The following HSPG2 variants were observed in gnomAD, a reference collection of about 807,000 sequenced individuals.
HSPG2 encodes the protein basement membrane-specific heparan sulfate proteoglycan core protein.
HSPG2 carries 278 observed loss-of-function variants against 526.6 expected under a neutral mutation model. That is an observed-to-expected ratio of 0.53 (90% CI 0.48 to 0.58). The LOEUF (loss-of-function observed/expected upper bound fraction) is 0.58. Ranked by LOEUF, HSPG2 falls within the 20% of genes least tolerant of loss-of-function variation. The probability of loss-of-function intolerance (pLI) is 0.00; values close to 1 mark genes in which losing one functional copy is unlikely to be tolerated. For missense variants in HSPG2, 5,354 were observed against 6,099.5 expected (o/e 0.88, Z 4.07); for synonymous variants, 2,465 against 2,555.4 (o/e 0.96, Z 1.07).
rs1344586585 is a variant in HSPG2 at position 21,898,355 on chromosome 1, CCTGTTCCTTCTCCTCT to C, written c.64-2061_64-2046del. On this transcript the variant is annotated intron_variant, in intron 1 of 96. Transcript: ENST00000374695. The surrounding 1 kb of genome is among the most constrained non-coding windows in gnomAD (Gnocchi z 4.0). ...AACAATCCAGCGGCAAATGTTGCCT[CCTGTTCCTTCTCCTCT>C]CCCTGCCCTCTCCCTGTCCTCCTGA... is the stretch of plus-strand genomic sequence containing the variant. Among the ~76,000 whole-genome samples, 1 of 152,216 alleles carries C rather than the reference CCTGTTCCTTCTCCTCT, an allele frequency of 6.6e-6. No individual in the cohort carries two copies. The highest frequency in any genetic ancestry group is 1.5e-5 in the Non-Finnish European group (1 of 68,038).
chr1:21,872,303 T>A lies in HSPG2; in HGVS notation c.4104A>T (p.Thr1368=). 6.4e-7 allele frequency: 1 copy of A among 1,571,540 alleles called. No individual in the cohort carries two copies. Among genetic ancestry groups the A allele is most frequent in the Non-Finnish European group, 8.6e-7 (1 of 1,158,136 alleles). The change falls in exon 33 of 97, where the codon ACA becomes ACT. Residue 1368 remains threonine, a synonymous_variant. Coordinates refer to ENST00000374695, the MANE Select transcript of HSPG2 (RefSeq NM_005529.7). The surrounding 1 kb of genome is among the most constrained non-coding windows in gnomAD (Gnocchi z 5.5). The part of the protein sequence containing the change: ...LVNPQRNSRL[T]GEFTVEPVPE... ...GCACGGGTTCCACAGTGAATTCTCCTGTCAGGCGGCTGTTTCGCTGTGGGT... is the reference window on the plus strand; with the variant it reads ...GCACGGGTTCCACAGTGAATTCTCCAGTCAGGCGGCTGTTTCGCTGTGGGT...
intron 1 of HSPG2, among the ~76,000 whole-genome samples, chr1:21,900,158 G>A (rs1643014335): frequency 6.6e-6 from 1 of 152,232 alleles, no homozygotes; most frequent in Admixed American, 6.5e-5. Flanking sequence ...AGCCAGACGG[G>A]CAGCTGGAGA....
intron 33 of HSPG2, chr1:21,870,830 C>CT: frequency 1.0e-6 from 1 of 986,296 alleles, no homozygotes. Context: ...CGTCCTGGGC[C>CT]TACCTGGTGA....
chr1:21,832,709 A>G (rs2152694179), intron 80 of HSPG2, 103 bp from the exon 81 acceptor site: 1 of 813,026 alleles, frequency 1.2e-6, no homozygotes, highest in East Asian at 2.6e-5. Flanking sequence ...CCACTCTCGG[A>G]ACCTGTCCCT....
At position 21,851,933 on chromosome 1, in the gene HSPG2, A is replaced by G. The variant is rs369549652; in HGVS notation, c.6871-7T>C. ...ACAGGCGGGAGCCACGAACCTGGGCAGCCGTGGGCAGAGGTGTGAGGGGGG... is the reference window on the plus strand; with the variant it reads ...ACAGGCGGGAGCCACGAACCTGGGCGGCCGTGGGCAGAGGTGTGAGGGGGG... On this transcript the variant is annotated splice_polypyrimidine_tract_variant and splice_region_variant and intron_variant, in intron 53 of 96. Coordinates refer to ENST00000374695, the MANE Select transcript of HSPG2 (RefSeq NM_005529.7). 6.9e-6 allele frequency: 11 copies of G among 1,601,888 alleles called. No individual in the cohort carries two copies. The African/African-American group carries it at 9.4e-5, about 14-fold the overall frequency.
In HSPG2 at chr1:21,842,127, ACCGGGCT is replaced by A; in HGVS notation, c.9061_9067del (p.Pro3022SerfsTer81). On this transcript the variant is annotated frameshift_variant, in exon 69 of 97. Transcript: ENST00000374695. LOFTEE classifies it high-confidence loss of function. ...GCTGCTGGGCGGGTCGATGGAGATG[ACCGGGCT>A]CCTAAGGCCTGGGGCCAAAGGGGCA... 6.2e-7 allele frequency: 1 copy of A among 1,613,670 alleles called. No individual in the cohort carries two copies. Among genetic ancestry groups the A allele is most frequent in the Non-Finnish European group, 8.5e-7 (1 of 1,179,992 alleles).
At chr1:21,838,648 T>C (rs1159984854) in intron 74 of HSPG2, among the ~76,000 whole-genome samples, 177 bp downstream of exon 74, 1 of 152,072 alleles carries the variant, frequency 6.6e-6, no homozygotes, top group Non-Finnish European at 1.5e-5. Context: ...TGAGCACACA[T>C]GATGGAGGGC....
intron 1 of HSPG2, among the ~76,000 whole-genome samples, chr1:21,906,535 G>A (rs951319502): frequency 6.6e-6 from 1 of 152,196 alleles, no homozygotes; most frequent in African/African-American, 2.4e-5. Context: ...GGAGAGCAGA[G>A]CTGGAAATCA....
intron 33 of HSPG2, chr1:21,869,514 G>A: frequency 1.0e-6 from 1 of 987,914 alleles, no homozygotes; most frequent in Non-Finnish European, 1.2e-6. Flanking sequence ...AGGAGGAGGA[G>A]GAGGAAGAAG....
At chr1:21,906,897 G>GT (rs1643408549) in intron 1 of HSPG2, among the ~76,000 whole-genome samples, 1 of 152,148 alleles carries the variant, frequency 6.6e-6, no homozygotes, top group Non-Finnish European at 1.5e-5. Context: ...GATTTTAGAC[G>GT]TAAGATATGC....
chr1:21,845,175 G>A (rs1423303052), intron 64 of HSPG2, among the ~76,000 whole-genome samples: 7 of 152,154 alleles, frequency 4.6e-5, no homozygotes, highest in Non-Finnish European at 8.8e-5. Flanking sequence ...GAACCCCAGA[G>A]GTGGAGATTG....
intron 33 of HSPG2, among the ~76,000 whole-genome samples, chr1:21,869,202 G>A (rs761135995): frequency 2.0e-5 from 3 of 152,196 alleles, no homozygotes; most frequent in Non-Finnish European, 2.9e-5. Flanking sequence ...GGCCTGGGTC[G>A]GCTTCTCCTC....
chr1:21,890,167 G>A lies in HSPG2; in HGVS notation c.414-26C>T, dbSNP rs1241005997. 14 of 1,613,346 alleles carry A rather than the reference G, an allele frequency of 8.7e-6. No homozygotes were observed. Among genetic ancestry groups the A allele is most frequent in the African/African-American group, 1.3e-5 (1 of 74,872 alleles). On this transcript the variant is annotated intron_variant, in intron 5 of 96. Transcript: ENST00000374695. This position sits in a 1 kb window ranked among gnomAD's most constrained non-coding sequence, Gnocchi z 4.1. ...CTGGGGATGGAGACAGGCAGGAGAG[G>A]AGGGTCAGCGAGACACCTGTGTTCT...
At chr1:21,905,086 G>T (rs1340403567) in intron 1 of HSPG2, among the ~76,000 whole-genome samples, 2 of 151,872 alleles carry the variant, frequency 1.3e-5, no homozygotes, top group African/African-American at 4.8e-5. Context: ...CACGACTCCT[G>T]ACTCACCAAC....
chr1:21,915,203 C>CACTG, intron 1 of HSPG2, among the ~76,000 whole-genome samples: 1 of 152,148 alleles, frequency 6.6e-6, no homozygotes, highest in African/African-American at 2.4e-5. Context: ...GCAGGGTGCC[C>CACTG]CCGTCACAAC....
chr1:21,913,593 C>T (rs997355156), intron 1 of HSPG2, among the ~76,000 whole-genome samples: 1 of 152,194 alleles, frequency 6.6e-6, no homozygotes, highest in African/African-American at 2.4e-5. Flanking sequence ...TGGGTCCCCC[C>T]AGCCAAAGGG....
rs1378894056 is a variant in HSPG2 at position 21,887,899 on chromosome 1, T to C, written c.703+39A>G. 1 of 1,613,594 alleles carries C rather than the reference T, an allele frequency of 6.2e-7. No homozygotes were observed. Among genetic ancestry groups the C allele is most frequent in the African/African-American group, 1.3e-5 (1 of 74,906 alleles). On this transcript the variant is annotated intron_variant, in intron 7 of 96. Coordinates refer to ENST00000374695, the MANE Select transcript of HSPG2 (RefSeq NM_005529.7). This position sits in a 1 kb window ranked among gnomAD's most constrained non-coding sequence, Gnocchi z 5.0. ...CAGGTGTAGGACCCTGGCCCTCCCC[T>C]GGCACCCAAACCACTCGTGGCCCCG...
chr1:21,852,737 G>A lies in HSPG2; in HGVS notation c.6687C>T (p.Ala2229=). 1 of 1,613,502 alleles carries A rather than the reference G, an allele frequency of 6.2e-7. No individual in the cohort carries two copies. Among genetic ancestry groups the A allele is most frequent in the Non-Finnish European group, 8.5e-7 (1 of 1,180,026 alleles). ...HVVGTSGPLE[A]SVLVTIEASV... is the part of the protein sequence containing the mutation. ...AGGCTTCGATGGTGACCAGGACTGAGGCCTCTAGGGGGCCGGAGGTGCCCA... is the reference window on the plus strand; with the variant it reads ...AGGCTTCGATGGTGACCAGGACTGAAGCCTCTAGGGGGCCGGAGGTGCCCA... Residue 2229 remains alanine (A), a synonymous_variant, in exon 52 of 97, where the codon GCC becomes GCT. Coordinates refer to ENST00000374695, the MANE Select transcript of HSPG2 (RefSeq NM_005529.7).
At chr1:21,855,997 C>T (rs1639312938) in intron 44 of HSPG2, 85 bp from the exon 45 acceptor site, 4 of 1,557,760 alleles carry the variant, frequency 2.6e-6, no homozygotes, top group East Asian at 2.3e-5. Context: ...ACTTTCTCTG[C>T]TTCCAGGCTA....
Sources: gnomAD v4.1 joint callset for allele counts (sites outside exome capture counted in the v4.1 genomes callset) on GRCh38, gnomAD v4.1.1 for gene constraint, Gnocchi (gnomAD v3.1) non-coding constraint, MANE v1.5 for transcripts, NCBI Gene and HGNC (gene_info 2026-07-23, HGNC 2026-07-21) for gene names.